Variants in GPATCH1 observed in about 807,000 individuals in gnomAD.
The protein encoded by GPATCH1 is G-patch domain containing 1.
In GPATCH1, 73 loss-of-function variants were observed where a neutral mutation model predicts 114.9. The observed-to-expected ratio is 0.64, with a 90% CI of 0.53 to 0.77. The LOEUF (loss-of-function observed/expected upper bound fraction) is 0.77, where lower values mean the gene tolerates loss of function less well. Among genes scored for constraint, GPATCH1 ranks in the 30% least tolerant of loss-of-function variants. GPATCH1 has a pLI of 0.00. For synonymous variants in GPATCH1, 391 were observed against 428.4 expected (o/e 0.91, Z 1.08); for missense variants, 1,058 against 1,144.3 (o/e 0.92, Z 1.09).
At position 33,088,149 on chromosome 19, in the gene GPATCH1, A is replaced by T. The variant is rs764527924; in HGVS notation, c.89A>T (p.Lys30Ile). 5.9e-5 allele frequency: 92 copies of T among 1,556,596 alleles called. 1 individual carries two copies. The highest frequency in any genetic ancestry group is 8.0e-5 in the Non-Finnish European group (92 of 1,156,678). Residue 30 changes from lysine (K) to isoleucine (I), a missense_variant, in exon 2 of 20, where the codon AAA (lysine) becomes ATA (isoleucine). Around this residue, in one of 3 missense-constraint regions of GPATCH1, gnomAD observed 131 missense variants for 107.2 expected, o/e 1.22. Coordinates refer to ENST00000170564, the MANE Select transcript of GPATCH1 (RefSeq NM_018025.3). The stretch of plus-strand genomic sequence containing the variant: ...TTTTTTTTAGGTGAAAGACCAAAGA[A>T]ACCAATCCCTCTTCAGGATCAGACT... ...EPLEEGERPK[K>I]PIPLQDQTVR...
rs2145304601 is a variant in GPATCH1, at chr19:33,090,764, A to G, written c.209-16A>G. 4 of 1,566,346 alleles carry G rather than the reference A, an allele frequency of 2.6e-6. No individual in the cohort carries two copies. The East Asian group carries it at 6.7e-5, about 26-fold the overall frequency. ...ACTCTCTAGGATTGTAAAGTTCTAA[A>G]CTCTTTTTTTTTCAGGATGGACACC... On this transcript the variant is annotated splice_polypyrimidine_tract_variant and intron_variant, in intron 2 of 19. Transcript: ENST00000170564.
At chr19:33,090,395 C>T (rs551310107) in intron 2 of GPATCH1, among the ~76,000 whole-genome samples, 4 of 152,286 alleles carry the variant, frequency 2.6e-5, no homozygotes, top group Admixed American at 1.3e-4. Flanking sequence ...GGCCTAGAAG[C>T]GATGACATCA....
intron 8 of GPATCH1, among the ~76,000 whole-genome samples, chr19:33,098,344 G>A (rs534237350): frequency 6.6e-6 from 1 of 152,350 alleles, no homozygotes; most frequent in East Asian, 1.9e-4. Flanking sequence ...CGCCCAGTCC[G>A]TCTTCTCCCT....
chr19:33,101,513 G>T lies in GPATCH1; in HGVS notation c.1019G>T (p.Arg340Leu). Residue 340 changes from arginine to leucine, a missense_variant, in exon 9 of 20, where the codon CGG (arginine) becomes CTG (leucine). Physicochemically the swap from Arg to Leu is moderately radical, Grantham distance 102 (BLOSUM62 -2). Coordinates refer to ENST00000170564, the MANE Select transcript of GPATCH1 (RefSeq NM_018025.3). ...TTTGTAGAATCAGAGAAAGACCTTC[G>T]GTACGTTGGCAAAATTTTGGATGGA... Reference protein sequence around the residue: ...KNQKESEKDLRYVGKILDGFS... With the variant: ...KNQKESEKDLLYVGKILDGFS... 6.3e-7 allele frequency: 1 copy of T among 1,592,948 alleles called. No individual in the cohort carries two copies. The highest frequency in any genetic ancestry group is 8.6e-7 in the Non-Finnish European group (1 of 1,160,974).
At chr19:33,089,450 A>G (rs1972570534) in intron 2 of GPATCH1, among the ~76,000 whole-genome samples, 1 of 152,326 alleles carries the variant, frequency 6.6e-6, no homozygotes, top group South Asian at 2.1e-4. Context: ...GTTTTAAGAT[A>G]TATTAATCTA....
At chr19:33,102,451 T>C (rs2145317863) in intron 9 of GPATCH1, among the ~76,000 whole-genome samples, 1 of 149,414 alleles carries the variant, frequency 6.7e-6, no homozygotes, top group East Asian at 2.0e-4. Flanking sequence ...GGCTGCAGTG[T>C]AGTGATGCAA....
At chr19:33,100,586 CAAAAAAAAAAAAAA>C (rs10609716) in intron 8 of GPATCH1, among the ~76,000 whole-genome samples, 1 of 62,198 alleles carries the variant, frequency 1.6e-5, no homozygotes, top group Non-Finnish European at 3.2e-5. Context: ...GACTCCATCT[CAAAAAAAAAAAAAA>C]AAAAAAAAAG....
intron 1 of GPATCH1, among the ~76,000 whole-genome samples, chr19:33,084,507 G>A (rs997362709): frequency 4.6e-5 from 7 of 151,904 alleles, no homozygotes; most frequent in African/African-American, 1.7e-4. Flanking sequence ...AAAACTAACC[G>A]TGGCTTCCCT....
At chr19:33,096,637 G>GT (rs914675674) in intron 7 of GPATCH1, among the ~76,000 whole-genome samples, 191 bp downstream of exon 7, 16 of 149,596 alleles carry the variant, frequency 1.1e-4, no homozygotes, top group Middle Eastern at 3.4e-3. Flanking sequence ...TACCATTTCT[G>GT]TTTTTTTTTG....
At chr19:33,121,374 C>T (rs1228019322) in intron 17 of GPATCH1, among the ~76,000 whole-genome samples, 1 of 143,034 alleles carries the variant, frequency 7.0e-6, no homozygotes, top group Non-Finnish European at 1.5e-5. Context: ...GGCTGGAGTG[C>T]AATGGCGCAA....
At chr19:33,102,809 T>G (rs1240664105) in intron 9 of GPATCH1, among the ~76,000 whole-genome samples, 1 of 152,198 alleles carries the variant, frequency 6.6e-6, no homozygotes, top group East Asian at 1.9e-4. Flanking sequence ...TAAGGAAAAG[T>G]AGAAAACATT....
Position 33,113,879 on chromosome 19 carries a change from G to C in GPATCH1, c.2005G>C (p.Val669Leu). The change falls in exon 14 of 20, where the codon GTA becomes CTA. Residue 669 changes from valine to leucine, a missense_variant. Physicochemically the swap from Val to Leu is conservative, Grantham distance 32 (BLOSUM62 1). Around this residue, in one of 3 missense-constraint regions of GPATCH1, gnomAD observed 893 missense variants for 977.4 expected, o/e 0.91. Transcript: ENST00000170564. ...CACCACTCAAGCATCAAGTGAAAAA[G>C]TATCACAGCACCGAGGTCCCGACAG... is the stretch of plus-strand genomic sequence containing the variant. Reference protein sequence around the residue: ...LPTTQASSEKVSQHRGPDKSR... With the variant: ...LPTTQASSEKLSQHRGPDKSR... 6.2e-7 allele frequency: 1 copy of C among 1,614,090 alleles called. No individual in the cohort carries two copies. The highest frequency in any genetic ancestry group is 8.5e-7 in the Non-Finnish European group (1 of 1,179,972).
intron 2 of GPATCH1, among the ~76,000 whole-genome samples, chr19:33,089,757 A>G (rs1972574268): frequency 6.6e-6 from 1 of 151,360 alleles, no homozygotes; most frequent in African/African-American, 2.4e-5. Flanking sequence ...AGTAGCTAGG[A>G]CTACAGGTGC....
intron 4 of GPATCH1, 47 bp downstream of exon 4, chr19:33,093,566 CAT>C (rs755502851): frequency 6.5e-7 from 1 of 1,532,276 alleles, no homozygotes. Flanking sequence ...CGGTGTTTTG[CAT>C]ATGTGTGATT....
intron 17 of GPATCH1, 52 bp from the exon 18 acceptor site, chr19:33,125,053 G>C: frequency 6.4e-7 from 1 of 1,551,200 alleles, no homozygotes; most frequent in South Asian, 1.2e-5. Context: ...GTTTTGGATA[G>C]TCTTTGTTTT....
rs947380326 is a variant in GPATCH1 at position 33,121,939 on chromosome 19, A to C, written c.2521+2822A>C. Among the ~76,000 whole-genome samples the C allele has an allele frequency of 2.0e-5, 3 of 152,240 alleles. No homozygotes were observed. In the South Asian group the frequency reaches 6.2e-4, roughly 32 times the overall value. Reference sequence around the variant, plus strand: ...ACTGCTTTCAAAGACAGGATTAAAAAGCAGAGAAAAAAAGTATGAAGTTTT... The same window carrying C: ...ACTGCTTTCAAAGACAGGATTAAAACGCAGAGAAAAAAAGTATGAAGTTTT... On this transcript the variant is annotated intron_variant, in intron 17 of 19. Transcript: ENST00000170564.
intron 1 of GPATCH1, among the ~76,000 whole-genome samples, chr19:33,087,715 G>C (rs535322957): frequency 2.7e-5 from 4 of 147,712 alleles, no homozygotes; most frequent in Non-Finnish European, 5.9e-5. Flanking sequence ...GAGAAGTCTC[G>C]CTGTGTCTCC....
chr19:33,083,879 G>A (rs1972507102), intron 1 of GPATCH1, among the ~76,000 whole-genome samples: 1 of 151,904 alleles, frequency 6.6e-6, no homozygotes, highest in Admixed American at 6.6e-5. Flanking sequence ...GTGCGATCTC[G>A]GCTCACTACA....
intron 19 of GPATCH1, among the ~76,000 whole-genome samples, 186 bp from the exon 20 acceptor site, chr19:33,129,944 C>CA (rs1555722342): frequency 1.5e-4 from 13 of 84,098 alleles, no homozygotes; most frequent in African/African-American, 1.5e-3. Flanking sequence ...GACTCCATCT[C>CA]GGGGGAAAAA....
Sources: allele counts gnomAD v4.1 joint callset (sites outside exome capture counted in the v4.1 genomes callset), GRCh38; gene constraint gnomAD v4.1.1; regional missense constraint gnomAD v4.1.1; transcripts MANE v1.5; gene names NCBI Gene and HGNC (gene_info 2026-07-23, HGNC 2026-07-21).